Variants in DMXL1 observed in about 807,000 individuals in gnomAD.
The protein encoded by DMXL1 is dmX-like protein 1.
A neutral mutation model predicts 319.2 loss-of-function variants in DMXL1; 99 were observed. The ratio of observed to expected loss-of-function variants is 0.31; its 90% CI spans 0.26 to 0.37. DMXL1 has a LOEUF of 0.37. Among genes scored for constraint, DMXL1 ranks in the 10% least tolerant of loss-of-function variants. DMXL1 has a pLI of 1.00. For missense variants in DMXL1, 3,745 were observed against 3,595.6 expected (o/e 1.04, Z -1.06); for synonymous variants, 1,385 against 1,235.2 (o/e 1.12, Z -2.54).
intron 19 of DMXL1, 100 bp from the exon 20 acceptor site, chr5:119,164,404 TAGA>T: frequency 1.9e-6 from 2 of 1,046,084 alleles, no homozygotes; most frequent in Non-Finnish European, 2.7e-6. Context: ...GTGAGTCTCA[TAGA>T]AGTTTACACA....
Position 119,098,033 on chromosome 5 carries a change from C to G in DMXL1, c.142C>G (p.Gln48Glu), listed in dbSNP as rs750433940. The change falls in exon 2 of 44, where the codon CAG becomes GAG. Residue 48 changes from glutamine to glutamate, a missense_variant. Transcript: ENST00000539542. ...ACTGGGAAGCGATTTTGAAAGATTA[C>G]AGATAATCCCAGGAGCTAAACATGG... ...VILGSDFERL[Q>E]IIPGAKHGNI... is the part of the protein sequence containing the mutation. 6.2e-7 allele frequency: 1 copy of G among 1,608,836 alleles called. No individual in the cohort carries two copies. The highest frequency in any genetic ancestry group is 8.5e-7 in the Non-Finnish European group (1 of 1,178,416).
In DMXL1 at chr5:119,149,395, A is replaced by G; in HGVS notation, c.3568A>G (p.Lys1190Glu). The G allele has an allele frequency of 6.2e-7, 1 of 1,613,956 alleles. No individual in the cohort carries two copies. Among genetic ancestry groups the G allele is most frequent in the South Asian group, 1.1e-5 (1 of 91,076 alleles). ...TLAFPLWEST[K>E]VVPLSKFVLL... Reference sequence around the variant, plus strand: ...GGCATTTCCTCTCTGGGAGAGTACCAAAGTTGTGCCCCTTTCTAAATTTGT... The same window carrying G: ...GGCATTTCCTCTCTGGGAGAGTACCGAAGTTGTGCCCCTTTCTAAATTTGT... Residue 1190 changes from lysine to glutamate, a missense_variant, in exon 18 of 44, where the codon AAA becomes GAA. Transcript: ENST00000539542.
chr5:119,119,554 GAGAC>G (rs1761575427), intron 8 of DMXL1, among the ~76,000 whole-genome samples: 1 of 137,088 alleles, frequency 7.3e-6, no homozygotes, highest in African/African-American at 2.7e-5. Flanking sequence ...TTTTTTTTCT[GAGAC>G]AGATTCTCAC....
chr5:119,228,962 T>C (rs1786129473), intron 38 of DMXL1, among the ~76,000 whole-genome samples: 1 of 152,002 alleles, frequency 6.6e-6, no homozygotes, highest in Admixed American at 6.6e-5. Context: ...AATATTAACA[T>C]TAGGTCTTAG....
rs779390610 is a variant in DMXL1 at position 119,133,578 on chromosome 5, A to T, written c.1654A>T (p.Thr552Ser). Residue 552 changes from threonine (T) to serine (S), a missense_variant, in exon 12 of 44, where the codon ACC (threonine) becomes TCC (serine). Physicochemically the swap from Thr to Ser is moderately conservative, Grantham distance 58. Around this residue, in one of 4 missense-constraint regions of DMXL1, gnomAD observed 2,096 missense variants for 1,985.4 expected, o/e 1.06. Coordinates refer to ENST00000539542, the MANE Select transcript of DMXL1 (RefSeq NM_001290321.3). ...TAAAAGCATAATGATGTATGCCTGTACCAAGAATGTTGACTTGGCTATTCA... is the reference window on the plus strand; with the variant it reads ...TAAAAGCATAATGATGTATGCCTGTTCCAAGAATGTTGACTTGGCTATTCA... ...LCKSIMMYAC[T>S]KNVDLAIQQG... 1 of 1,614,186 alleles carries T rather than the reference A, an allele frequency of 6.2e-7. No homozygotes were observed. The highest frequency in any genetic ancestry group is 8.5e-7 in the Non-Finnish European group (1 of 1,180,024).
chr5:119,215,769 A>G (rs530369505), intron 34 of DMXL1, among the ~76,000 whole-genome samples: 2 of 152,314 alleles, frequency 1.3e-5, no homozygotes, highest in East Asian at 1.9e-4. Flanking sequence ...GCATTTCACA[A>G]TAAGTCTGAA....
chr5:119,156,881 G>A (rs1340785244), intron 19 of DMXL1, among the ~76,000 whole-genome samples: 1 of 151,992 alleles, frequency 6.6e-6, no homozygotes, highest in Non-Finnish European at 1.5e-5. Flanking sequence ...GCAGGTGTGA[G>A]TTGTTATCTC....
chr5:119,158,577 G>A (rs1771601794), intron 19 of DMXL1, among the ~76,000 whole-genome samples: 1 of 152,176 alleles, frequency 6.6e-6, no homozygotes, highest in Non-Finnish European at 1.5e-5. Context: ...TAGAGGAAAA[G>A]CTTTTGAATT....
chr5:119,220,496 G>A lies in DMXL1; in HGVS notation c.8038G>A (p.Ala2680Thr), dbSNP rs754084829. 1.9e-6 allele frequency: 3 copies of A among 1,613,534 alleles called. No homozygotes were observed. Among genetic ancestry groups the A allele is most frequent in the South Asian group, 1.1e-5 (1 of 91,056 alleles). Residue 2680 changes from alanine (A) to threonine (T), a missense_variant, in exon 36 of 44, where the codon GCT becomes ACT. Physicochemically the swap from Ala to Thr is moderately conservative, Grantham distance 58. Coordinates refer to ENST00000539542, the MANE Select transcript of DMXL1 (RefSeq NM_001290321.3). ...NKANRNCIAI[A>T]SSHDVQELDV... The stretch of plus-strand genomic sequence containing the variant: ...GGCAAATAGAAACTGCATAGCAATC[G>A]CTTCCAGTCATGATGTTCAAGAACT...
At chr5:119,210,056 C>A (rs1782470842) in intron 34 of DMXL1, among the ~76,000 whole-genome samples, 1 of 152,130 alleles carries the variant, frequency 6.6e-6, no homozygotes, top group Non-Finnish European at 1.5e-5. Flanking sequence ...GCAATCTCCA[C>A]CTCCTGGGTA....
intron 19 of DMXL1, among the ~76,000 whole-genome samples, chr5:119,158,495 G>T (rs1475266586): frequency 6.6e-6 from 1 of 152,034 alleles, no homozygotes; most frequent in Non-Finnish European, 1.5e-5. Flanking sequence ...AAATGCTCTG[G>T]CAGGGACTTC....
At position 119,085,747 on chromosome 5, in the gene DMXL1, C is replaced by T. The variant is rs192170683; in HGVS notation, c.88-12232C>T. Reference sequence around the variant, plus strand: ...TATACTGAATAAAAGTGGTGAAAGTCGGCATTCTTGTTCCATATCTTAGAG... The same window carrying T: ...TATACTGAATAAAAGTGGTGAAAGTTGGCATTCTTGTTCCATATCTTAGAG... On this transcript the variant is annotated intron_variant, in intron 1 of 43. Transcript: ENST00000539542. Among the ~76,000 whole-genome samples the T allele has an allele frequency of 1.1e-4, 16 of 152,140 alleles. No individual in the cohort carries two copies. The East Asian group carries it at 1.9e-3, about 18-fold the overall frequency.
At chr5:119,111,302 A>C (rs1759539408) in intron 5 of DMXL1, among the ~76,000 whole-genome samples, 1 of 152,226 alleles carries the variant, frequency 6.6e-6, no homozygotes, top group African/African-American at 2.4e-5. Flanking sequence ...ATTATTGAGC[A>C]CTTGAAATGC....
chr5:119,118,712 G>A, intron 7 of DMXL1, 103 bp from the exon 8 acceptor site: 1 of 830,692 alleles, frequency 1.2e-6, no homozygotes, highest in East Asian at 2.5e-5. Context: ...TTCTTCATTG[G>A]TACCTTAGTT....
Position 119,239,008 on chromosome 5 carries a change from A to G in DMXL1, c.8579A>G (p.Lys2860Arg), listed in dbSNP as rs1294884846. 3.7e-6 allele frequency: 6 copies of G among 1,613,776 alleles called. No individual in the cohort carries two copies. Among genetic ancestry groups the G allele is most frequent in the South Asian group, 2.2e-5 (2 of 91,084 alleles). The stretch of plus-strand genomic sequence containing the variant: ...TTCCAGACTTGGCAGTGTCATAACA[A>G]AACAGCCAATGATTTTGTCTTCGTT... Reference protein sequence around the residue: ...KPYLTWQCHNKTANDFVFVSS... With the variant: ...KPYLTWQCHNRTANDFVFVSS... Residue 2860 changes from lysine (K) to arginine (R), a missense_variant, in exon 41 of 44, where the codon AAA (lysine) becomes AGA (arginine). Transcript: ENST00000539542.
chr5:119,145,999 G>A (rs1171944103), intron 15 of DMXL1, among the ~76,000 whole-genome samples: 1 of 151,558 alleles, frequency 6.6e-6, no homozygotes, highest in Non-Finnish European at 1.5e-5. Flanking sequence ...TATTTTGGAT[G>A]CCTAACTTAG....
rs192719471 is a variant in DMXL1 at position 119,086,527 on chromosome 5, C to G, written c.88-11452C>G. Among the ~76,000 whole-genome samples, 77 of 152,020 alleles carry G rather than the reference C, an allele frequency of 5.1e-4. 2 individuals carry two copies. In the South Asian group the frequency reaches 0.016, roughly 31 times the overall value. On this transcript the variant is annotated intron_variant, in intron 1 of 43. Coordinates refer to ENST00000539542, the MANE Select transcript of DMXL1 (RefSeq NM_001290321.3). ...TTTTTTGTTGTTGTTGTTGCTTTGTCTGGTTTTGGTGTCAGGATAATGCTG... is the reference window on the plus strand; with the variant it reads ...TTTTTTGTTGTTGTTGTTGCTTTGTGTGGTTTTGGTGTCAGGATAATGCTG...
At chr5:119,157,520 A>G (rs1016476411) in intron 19 of DMXL1, among the ~76,000 whole-genome samples, 1 of 152,206 alleles carries the variant, frequency 6.6e-6, no homozygotes, top group Non-Finnish European at 1.5e-5. Context: ...ATAATGGTCC[A>G]ATTTCATTCT....
intron 34 of DMXL1, among the ~76,000 whole-genome samples, chr5:119,210,241 G>T (rs557245081): frequency 6.6e-6 from 1 of 152,238 alleles, no homozygotes; most frequent in African/African-American, 2.4e-5. Flanking sequence ...GTGAACCACC[G>T]CAGCCGGCCA....
Sources: gnomAD v4.1 joint callset for allele counts (sites outside exome capture counted in the v4.1 genomes callset) on GRCh38, gnomAD v4.1.1 for gene constraint, gnomAD v4.1.1 regional missense constraint, MANE v1.5 for transcripts, NCBI Gene and HGNC (gene_info 2026-07-23, HGNC 2026-07-21) for gene names.